Variants in SPIRE1 observed in about 807,000 individuals in gnomAD.
SPIRE1 encodes spire type actin nucleation factor 1.
Under a neutral mutation model 94.1 loss-of-function variants are expected in SPIRE1, and 40 were observed. The observed-to-expected ratio is 0.43, with a 90% CI of 0.33 to 0.55. The LOEUF is 0.55. Among genes scored for constraint, SPIRE1 ranks in the 20% least tolerant of loss-of-function variants. SPIRE1 has a pLI of 0.06. For missense variants in SPIRE1, 838 were observed against 975.2 expected (o/e 0.86, Z 1.87); for synonymous variants, 376 against 371.7 (o/e 1.01, Z -0.13).
intron 1 of SPIRE1, among the ~76,000 whole-genome samples, chr18:12,654,278 A>T (rs1374790864): frequency 6.7e-6 from 1 of 148,266 alleles, no homozygotes; most frequent in African/African-American, 2.5e-5. Flanking sequence ...CGGAGGTTGC[A>T]GTCAGCCGAG....
At chr18:12,547,210 GAC>G (rs2035198992) in intron 2 of SPIRE1, among the ~76,000 whole-genome samples, 1 of 152,106 alleles carries the variant, frequency 6.6e-6, no homozygotes, top group African/African-American at 2.4e-5. Context: ...GAGATGCACA[GAC>G]ATCCCAAGTA....
chr18:12,476,135 A>G (rs935229353), intron 10 of SPIRE1, among the ~76,000 whole-genome samples: 1 of 152,254 alleles, frequency 6.6e-6, no homozygotes, highest in African/African-American at 2.4e-5. Flanking sequence ...TCTCATCAAT[A>G]GAAAGTTTAT....
At chr18:12,571,128 G>A (rs1567941332) in intron 2 of SPIRE1, among the ~76,000 whole-genome samples, 1 of 152,006 alleles carries the variant, frequency 6.6e-6, no homozygotes, top group Non-Finnish European at 1.5e-5. Context: ...AGGCTGAAAC[G>A]CAGTTGCACA....
At chr18:12,644,002 T>C (rs2038153455) in intron 1 of SPIRE1, among the ~76,000 whole-genome samples, 1 of 142,324 alleles carries the variant, frequency 7.0e-6, no homozygotes, top group Non-Finnish European at 1.5e-5. Flanking sequence ...GAGACCAGCC[T>C]GGCCAACATG....
At chr18:12,529,368 C>CA (rs145981470) in intron 4 of SPIRE1, among the ~76,000 whole-genome samples, 25,941 of 126,166 alleles carry the variant, frequency 0.21, 2,569 homozygotes, top group South Asian at 0.41. Flanking sequence ...GACTCCGTCT[C>CA]AAAAAAAAAA....
chr18:12,572,648 T>G (rs1265536988), intron 2 of SPIRE1, among the ~76,000 whole-genome samples: 1 of 152,142 alleles, frequency 6.6e-6, no homozygotes. Context: ...AATTTTTAAA[T>G]AGAAGATACA....
At chr18:12,468,022 G>A (rs1438380062) in intron 10 of SPIRE1, among the ~76,000 whole-genome samples, 1 of 152,102 alleles carries the variant, frequency 6.6e-6, no homozygotes, top group African/African-American at 2.4e-5. Context: ...TGTTAAGGGA[G>A]AATTAGATCA....
chr18:12,459,319 G>A (rs1309328118), intron 12 of SPIRE1, among the ~76,000 whole-genome samples: 2 of 152,230 alleles, frequency 1.3e-5, no homozygotes, highest in African/African-American at 4.8e-5. Context: ...TTGTGCAGGT[G>A]TCTGTGGGTG....
intron 10 of SPIRE1, among the ~76,000 whole-genome samples, chr18:12,479,281 C>T (rs2032752997): frequency 6.7e-6 from 1 of 149,900 alleles, no homozygotes; most frequent in South Asian, 2.1e-4. Flanking sequence ...CTCAAGGAAT[C>T]CTCCTGCCTT....
At chr18:12,627,888 A>G (rs1350830689) in intron 2 of SPIRE1, among the ~76,000 whole-genome samples, 2 of 150,608 alleles carry the variant, frequency 1.3e-5, no homozygotes, top group Non-Finnish European at 3.0e-5. Flanking sequence ...TCCTTTGCCC[A>G]CTTTTTGATG....
At chr18:12,521,429 G>T (rs1401310229) in intron 4 of SPIRE1, among the ~76,000 whole-genome samples, 1 of 152,036 alleles carries the variant, frequency 6.6e-6, no homozygotes, top group Non-Finnish European at 1.5e-5. Context: ...TGCCTCCCAG[G>T]TTCAAGGGAT....
chr18:12,632,846 T>C (rs1023256829), intron 2 of SPIRE1, among the ~76,000 whole-genome samples: 2 of 152,198 alleles, frequency 1.3e-5, no homozygotes, highest in African/African-American at 4.8e-5. Context: ...AAACTAATGT[T>C]AAGATCATGT....
chr18:12,616,135 TC>T (rs1291433495), intron 2 of SPIRE1, among the ~76,000 whole-genome samples: 1 of 152,226 alleles, frequency 6.6e-6, no homozygotes, highest in Non-Finnish European at 1.5e-5. Context: ...GCTTCTACCT[TC>T]TAAGCATTCT....
At chr18:12,658,686 C>G (rs934422237), upstream of SPIRE1, 6 of 442,808 alleles carry the variant, frequency 1.4e-5, no homozygotes, top group Non-Finnish European at 2.9e-5. Context: ...TGAAAGCCTC[C>G]GGCAGTTTCC....
At chr18:12,655,894 A>G (rs1270376795) in intron 1 of SPIRE1, among the ~76,000 whole-genome samples, 1 of 152,002 alleles carries the variant, frequency 6.6e-6, no homozygotes, top group African/African-American at 2.4e-5. Context: ...ATCCCAAGGC[A>G]CGATATTGCT....
At chr18:12,504,089 T>C (rs2033751958) in intron 6 of SPIRE1, among the ~76,000 whole-genome samples, 1 of 147,690 alleles carries the variant, frequency 6.8e-6, no homozygotes, top group Non-Finnish European at 1.5e-5. Context: ...AAATTTCAGT[T>C]TCCTCATCTG....
At chr18:12,482,448 T>G (rs1160399621) in intron 9 of SPIRE1, among the ~76,000 whole-genome samples, 1 of 152,146 alleles carries the variant, frequency 6.6e-6, no homozygotes, top group East Asian at 1.9e-4. Flanking sequence ...AGGCCCATAT[T>G]TATTTTAATG....
At chr18:12,649,653 G>A (rs1202209779) in intron 1 of SPIRE1, among the ~76,000 whole-genome samples, 2 of 152,164 alleles carry the variant, frequency 1.3e-5, no homozygotes, top group African/African-American at 4.8e-5. Context: ...AACAAGCAGA[G>A]TGCAACTCAT....
Position 12,650,894 on chromosome 18 carries a change from A to T in SPIRE1, c.337+6636T>A, listed in dbSNP as rs1030531799. ...CCTGTCTCAAAAAAAAAAAAAAAAA[A>T]AGTGATAGCAATCTTATCCAATTAC... On this transcript the variant is annotated intron_variant, in intron 1 of 16. Transcript: ENST00000409402. Among the ~76,000 whole-genome samples the T allele has an allele frequency of 3.4e-4, 51 of 151,720 alleles. 1 individual carries two copies. The highest frequency in any genetic ancestry group is 1.1e-3 in the African/African-American group (47 of 41,306).
Sources: gnomAD v4.1 joint callset for allele counts (sites outside exome capture counted in the v4.1 genomes callset) on GRCh38, gnomAD v4.1.1 for gene constraint, MANE v1.5 for transcripts, NCBI Gene and HGNC (gene_info 2026-07-23, HGNC 2026-07-21) for gene names.